CCNY: variants seen among roughly 807,000 people sequenced by gnomAD.
CCNY encodes cyclin Y, also known as cyclin-Y.
Under a neutral mutation model 42.8 loss-of-function variants are expected in CCNY, and 19 were observed. That is an observed-to-expected ratio of 0.44 (90% CI 0.31 to 0.65). The LOEUF (loss-of-function observed/expected upper bound fraction) is 0.65, where lower values mean the gene tolerates loss of function less well. Ranked by LOEUF, CCNY falls within the 30% of genes least tolerant of loss-of-function variation. The probability of loss-of-function intolerance (pLI) is 0.07; values close to 1 mark genes in which losing one functional copy is unlikely to be tolerated. For synonymous variants in CCNY, 165 were observed against 162.7 expected, an observed-to-expected ratio of 1.01 and a Z score of -0.11; for missense variants, 370 against 437.3, an observed-to-expected ratio of 0.85 and a Z score of 1.37.
chr10:35,542,439 C>A (rs1376505253), intron 7 of CCNY, among the ~76,000 whole-genome samples: 1 of 152,120 alleles, frequency 6.6e-6, no homozygotes, highest in South Asian at 2.1e-4. Flanking sequence ...TTTGTAGTCA[C>A]TCTTTTTCTC....
At chr10:35,453,817 C>T (rs995969379) in intron 1 of CCNY, among the ~76,000 whole-genome samples, 1 of 151,994 alleles carries the variant, frequency 6.6e-6, no homozygotes, top group African/African-American at 2.4e-5. Flanking sequence ...ACATGATTTG[C>T]CAATTTTTAA....
intron 7 of CCNY, among the ~76,000 whole-genome samples, chr10:35,539,417 T>G (rs972909191): frequency 1.3e-5 from 2 of 152,232 alleles, no homozygotes; most frequent in Non-Finnish European, 1.5e-5. Context: ...TATCTTTCTA[T>G]TTATTTAGAT....
chr10:35,488,557 A>C (rs1351977775), intron 2 of CCNY, among the ~76,000 whole-genome samples: 4 of 152,166 alleles, frequency 2.6e-5, no homozygotes, highest in African/African-American at 7.2e-5. Context: ...CCTTCAGGGC[A>C]TGTCAAGTGC....
chr10:35,258,819 C>T (rs1296459968), intron 3 of CCNY, among the ~76,000 whole-genome samples: 6 of 151,940 alleles, frequency 3.9e-5, no homozygotes, highest in Non-Finnish European at 8.8e-5. Context: ...GCCTGTAGTC[C>T]CAGCTACTTG....
chr10:35,383,167 C>T (rs1032092802), intron 1 of CCNY, among the ~76,000 whole-genome samples: 2 of 152,132 alleles, frequency 1.3e-5, no homozygotes, highest in African/African-American at 4.8e-5. Context: ...TGGTGTTTGT[C>T]CAAATACCAG....
chr10:35,510,409 G>T (rs536534823), intron 3 of CCNY, among the ~76,000 whole-genome samples: 4 of 152,204 alleles, frequency 2.6e-5, no homozygotes, highest in Admixed American at 2.0e-4. Context: ...TAGAGATGAG[G>T]TCTTGCTGTA....
intron 8 of CCNY, among the ~76,000 whole-genome samples, chr10:35,553,526 T>C (rs1841303601): frequency 6.6e-6 from 1 of 152,234 alleles, no homozygotes; most frequent in Non-Finnish European, 1.5e-5. Context: ...TGTATCTCAC[T>C]GCAGACTGAT....
chr10:35,451,237 T>C (rs1301568847), intron 1 of CCNY, among the ~76,000 whole-genome samples: 1 of 152,206 alleles, frequency 6.6e-6, no homozygotes, highest in Non-Finnish European at 1.5e-5. Flanking sequence ...CCCCCTTTTT[T>C]ACAAAAACAA....
intron 3 of CCNY, among the ~76,000 whole-genome samples, chr10:35,325,541 G>A (rs558350570): frequency 2.0e-5 from 3 of 147,788 alleles, no homozygotes; most frequent in Admixed American, 1.4e-4. Context: ...GTGCAATGGC[G>A]TGATCTCAGC....
chr10:35,483,575 T>A, intron 2 of CCNY, 97 bp downstream of exon 2: 1 of 777,558 alleles, frequency 1.3e-6, no homozygotes, highest in East Asian at 2.6e-5. Flanking sequence ...CAATATGAAA[T>A]AGAGTCCCTT....
chr10:35,478,386 C>G (rs1839571323), intron 1 of CCNY, among the ~76,000 whole-genome samples: 1 of 151,778 alleles, frequency 6.6e-6, no homozygotes, highest in Admixed American at 6.6e-5. Flanking sequence ...TGACTTCAAA[C>G]TATACTACAA....
At chr10:35,363,015 C>G (rs1421294776) in intron 1 of CCNY, among the ~76,000 whole-genome samples, 3 of 151,026 alleles carry the variant, frequency 2.0e-5, no homozygotes, top group African/African-American at 7.3e-5. Context: ...TCCTCACTTC[C>G]CAGGTGGTGG....
intron 2 of CCNY, 53 bp downstream of exon 2, chr10:35,483,531 C>T (rs1049361479): frequency 7.9e-6 from 9 of 1,135,132 alleles, no homozygotes; most frequent in East Asian, 2.4e-5. Context: ...GTTGGTACTT[C>T]GCCTAGTGTT....
At position 35,356,994 on chromosome 10, in the gene CCNY, A is replaced by G. The variant is rs1039383483; in HGVS notation, c.154+19787A>G. On this transcript the variant is annotated intron_variant, in intron 1 of 9. Coordinates refer to ENST00000374704, the MANE Select transcript of CCNY (RefSeq NM_145012.6). Reference sequence around the variant, plus strand: ...GTGACTCCATGCACAAGGGCCTCCCAGTGTTTTTCAAGCTTCCAACTTTGT... The same window carrying G: ...GTGACTCCATGCACAAGGGCCTCCCGGTGTTTTTCAAGCTTCCAACTTTGT... Among the ~76,000 whole-genome samples, 3 of 152,110 alleles carry G rather than the reference A, an allele frequency of 2.0e-5. No individual in the cohort carries two copies. The East Asian group carries it at 5.8e-4, about 29-fold the overall frequency.
intron 5 of CCNY, among the ~76,000 whole-genome samples, chr10:35,527,994 CATTTAT>C (rs1465431205): frequency 6.6e-6 from 1 of 152,180 alleles, no homozygotes; most frequent in South Asian, 2.1e-4. Context: ...TCTTAATTCT[CATTTAT>C]ATTTTTAGAC....
intron 1 of CCNY, among the ~76,000 whole-genome samples, chr10:35,413,736 A>G (rs1327320878): frequency 1.3e-5 from 2 of 152,198 alleles, no homozygotes; most frequent in Non-Finnish European, 2.9e-5. Flanking sequence ...ACTGCAGGGC[A>G]GGCAAGCTCA....
At chr10:35,506,588 C>A (rs1352191597) in intron 3 of CCNY, among the ~76,000 whole-genome samples, 1 of 152,142 alleles carries the variant, frequency 6.6e-6, no homozygotes, top group African/African-American at 2.4e-5. Context: ...CATGCTGTCA[C>A]TCTTGTAATG....
intron 7 of CCNY, among the ~76,000 whole-genome samples, chr10:35,543,757 T>C (rs1589194876): frequency 6.7e-6 from 1 of 149,956 alleles, no homozygotes; most frequent in Non-Finnish European, 1.5e-5. Flanking sequence ...CTTCAGGAGG[T>C]GTTCTGGAAG....
chr10:35,438,461 A>G (rs1160074515), intron 1 of CCNY, among the ~76,000 whole-genome samples: 1 of 152,112 alleles, frequency 6.6e-6, no homozygotes, highest in East Asian at 1.9e-4. Context: ...TGGCCTAACC[A>G]TCTTTTTAAG....
Sources: gnomAD v4.1 joint callset for allele counts (sites outside exome capture counted in the v4.1 genomes callset) on GRCh38, gnomAD v4.1.1 for gene constraint, MANE v1.5 for transcripts, NCBI Gene and HGNC (gene_info 2026-07-23, HGNC 2026-07-21) for gene names.